The following ABL2 variants were observed in gnomAD, a reference collection of about 807,000 sequenced individuals.
ABL2 encodes ABL proto-oncogene 2, non-receptor tyrosine kinase.
ABL2 carries 49 observed loss-of-function variants against 107.7 expected under a neutral mutation model. That is an observed-to-expected ratio of 0.45 (90% CI 0.36 to 0.58). The LOEUF (loss-of-function observed/expected upper bound fraction) is 0.58, where lower values mean the gene tolerates loss of function less well. Among genes scored for constraint, ABL2 ranks in the 20% least tolerant of loss-of-function variants. ABL2 has a pLI of 0.00. For missense variants in ABL2, 1,245 were observed against 1,457.0 expected (o/e 0.85, Z 2.37); for synonymous variants, 549 against 548.6 (o/e 1.00, Z -0.01).
At chr1:179,203,926 T>A (rs1260227836) in intron 1 of ABL2, among the ~76,000 whole-genome samples, 1 of 152,216 alleles carries the variant, frequency 6.6e-6, no homozygotes, top group Non-Finnish European at 1.5e-5. Context: ...TAATTCAATG[T>A]CCTTATTTGT....
chr1:179,222,598 C>T (rs1662935358), intron 1 of ABL2, among the ~76,000 whole-genome samples: 1 of 151,908 alleles, frequency 6.6e-6, no homozygotes, highest in African/African-American at 2.4e-5. Flanking sequence ...ACCATGTTGG[C>T]CAGGATGGTC....
intron 1 of ABL2, among the ~76,000 whole-genome samples, chr1:179,136,069 C>A (rs7544539): frequency 7.1e-6 from 1 of 141,368 alleles, no homozygotes; most frequent in Admixed American, 6.8e-5. Context: ...CCAGCCGCCC[C>A]GTCCAGGAGG....
At chr1:179,116,027 C>A (rs1191203547) in intron 8 of ABL2, among the ~76,000 whole-genome samples, 1 of 151,452 alleles carries the variant, frequency 6.6e-6, no homozygotes, top group Admixed American at 6.6e-5. Flanking sequence ...CATCACACTT[C>A]CCTCGAAAAA....
Position 179,186,547 on chromosome 1 carries a change from T to A in ABL2, c.157+42694A>T, listed in dbSNP as rs558234938. Among the ~76,000 whole-genome samples, 4 of 151,316 alleles carry A rather than the reference T, an allele frequency of 2.6e-5. No individual in the cohort carries two copies. In the South Asian group the frequency reaches 8.4e-4, roughly 32 times the overall value. Reference sequence around the variant, plus strand: ...GCGCCCACCACCATGCCCAGCTAATTTTTTTGTATTTTTAGTAGAGACGGG... The same window carrying A: ...GCGCCCACCACCATGCCCAGCTAATATTTTTGTATTTTTAGTAGAGACGGG... On this transcript the variant is annotated intron_variant, in intron 1 of 11. Transcript: ENST00000502732.
At chr1:179,147,587 C>G (rs1658085528) in intron 1 of ABL2, among the ~76,000 whole-genome samples, 5 of 152,196 alleles carry the variant, frequency 3.3e-5, no homozygotes, top group Admixed American at 3.3e-4. Flanking sequence ...AACTGGAGGT[C>G]GTTATCCTAA....
In ABL2 at chr1:179,108,008, C is replaced by G. The variant is rs1209005307; in HGVS notation, c.3259G>C (p.Glu1087Gln). The change falls in exon 12 of 12, where the codon GAG becomes CAG. Residue 1087 changes from glutamate (E) to glutamine (Q), a missense_variant. Glu to Gln is a conservative substitution (Grantham distance 29, BLOSUM62 2). Transcript: ENST00000502732. ...EKISADKISK[E>Q]ALLECADLLS... is the part of the protein sequence containing the mutation. ...AGGTCAGCACATTCCAGCAGGGCCTCTTTGCTGATTTTGTCTGCTGAGATT... is the reference window on the plus strand; with the variant it reads ...AGGTCAGCACATTCCAGCAGGGCCTGTTTGCTGATTTTGTCTGCTGAGATT... 8 of 1,614,096 alleles carry G rather than the reference C, an allele frequency of 5.0e-6. No individual in the cohort carries two copies. The highest frequency in any genetic ancestry group is 6.8e-6 in the Non-Finnish European group (8 of 1,180,050).
intron 1 of ABL2, among the ~76,000 whole-genome samples, chr1:179,147,145 G>A (rs1323438494): frequency 1.5e-5 from 1 of 67,716 alleles, no homozygotes; most frequent in East Asian, 5.0e-4. Flanking sequence ...ACAAACATAT[G>A]AATAAATGGT....
At chr1:179,211,300 T>C (rs972782580) in intron 1 of ABL2, among the ~76,000 whole-genome samples, 3 of 152,128 alleles carry the variant, frequency 2.0e-5, no homozygotes, top group Non-Finnish European at 4.4e-5. Context: ...GGAGAATTGC[T>C]TTGAGCCCAG....
chr1:179,212,059 C>T (rs1398876349), intron 1 of ABL2, among the ~76,000 whole-genome samples: 2 of 152,140 alleles, frequency 1.3e-5, no homozygotes, highest in Non-Finnish European at 2.9e-5. Flanking sequence ...CCTCAGGAAA[C>T]TTGAAATCAT....
At chr1:179,118,830 C>A in intron 6 of ABL2, 66 bp from the exon 7 acceptor site, 1 of 1,529,642 alleles carries the variant, frequency 6.5e-7, no homozygotes, top group Middle Eastern at 1.8e-4. Flanking sequence ...CCACTTTGGC[C>A]AAGAATAATT....
intron 1 of ABL2, among the ~76,000 whole-genome samples, chr1:179,139,067 C>T (rs546021559): frequency 6.6e-6 from 1 of 152,346 alleles, no homozygotes; most frequent in South Asian, 2.1e-4. Context: ...CTCGCTGGGC[C>T]TTAGCTGCCT....
chr1:179,142,099 T>G (rs533593635), intron 1 of ABL2, among the ~76,000 whole-genome samples: 1 of 152,340 alleles, frequency 6.6e-6, no homozygotes, highest in African/African-American at 2.4e-5. Context: ...GAATGGTTTA[T>G]TTTTGAACAA....
chr1:179,175,126 C>A (rs1659973283), intron 1 of ABL2, among the ~76,000 whole-genome samples: 1 of 151,958 alleles, frequency 6.6e-6, no homozygotes, highest in Admixed American at 6.6e-5. Flanking sequence ...TCAAGCAATC[C>A]TTTTGCTTCA....
At chr1:179,158,781 T>C (rs958544368) in intron 1 of ABL2, among the ~76,000 whole-genome samples, 1 of 152,228 alleles carries the variant, frequency 6.6e-6, no homozygotes, top group Non-Finnish European at 1.5e-5. Flanking sequence ...TAAGATTATT[T>C]TACTATACCA....
intron 1 of ABL2, among the ~76,000 whole-genome samples, chr1:179,149,454 ATG>A (rs1429543734): frequency 9.9e-5 from 15 of 152,246 alleles, no homozygotes; most frequent in Non-Finnish European, 2.2e-4. Flanking sequence ...TCACCGATGA[ATG>A]TGGCCACACT....
intron 5 of ABL2, among the ~76,000 whole-genome samples, chr1:179,121,153 G>C (rs979056198): frequency 2.0e-5 from 3 of 152,034 alleles, no homozygotes; most frequent in African/African-American, 7.2e-5. Flanking sequence ...GTAGTACTAC[G>C]AAAAAGATTT....
chr1:179,188,591 C>G (rs1329810904), intron 1 of ABL2, among the ~76,000 whole-genome samples: 3 of 152,038 alleles, frequency 2.0e-5, no homozygotes, highest in African/African-American at 7.2e-5. Flanking sequence ...CACTCTCTCC[C>G]TTTACCCAGC....
At chr1:179,123,739 C>T (rs1655452993) in intron 4 of ABL2, among the ~76,000 whole-genome samples, 1 of 152,126 alleles carries the variant, frequency 6.6e-6, no homozygotes, top group South Asian at 2.1e-4. Context: ...AGGTGATCCT[C>T]CTGCCTCAGC....
chr1:179,177,987 T>C (rs1226443322), intron 1 of ABL2, among the ~76,000 whole-genome samples: 1 of 152,222 alleles, frequency 6.6e-6, no homozygotes, highest in Non-Finnish European at 1.5e-5. Flanking sequence ...TATGTAAATA[T>C]GCCTATACTA....
Sources: allele counts gnomAD v4.1 joint callset (sites outside exome capture counted in the v4.1 genomes callset), GRCh38; gene constraint gnomAD v4.1.1; transcripts MANE v1.5; gene names NCBI Gene and HGNC (gene_info 2026-07-23, HGNC 2026-07-21).